MRC2: variants seen among roughly 807,000 people sequenced by gnomAD.
MRC2 encodes the protein C-type mannose receptor 2.
A neutral mutation model predicts 206.2 loss-of-function variants in MRC2; 84 were observed. That is an observed-to-expected ratio of 0.41 (90% CI 0.34 to 0.49). The LOEUF is 0.49. Among genes scored for constraint, MRC2 ranks in the 20% least tolerant of loss-of-function variants. The pLI is 0.31. For missense variants in MRC2, 1,676 were observed against 2,001.5 expected (o/e 0.84, Z 3.10); for synonymous variants, 798 against 800.0 (o/e 1.00, Z 0.04).
intron 1 of MRC2, among the ~76,000 whole-genome samples, chr17:62,636,931 T>C (rs1409603949): frequency 6.6e-6 from 1 of 151,272 alleles, no homozygotes; most frequent in African/African-American, 2.4e-5. Context: ...GAAAACTCTC[T>C]TCCCCCGGCC....
At position 62,681,956 on chromosome 17, in the gene MRC2, C is replaced by T. The variant is rs1292430400; in HGVS notation, c.2803+19C>T. On this transcript the variant is annotated intron_variant, in intron 19 of 29. Transcript: ENST00000303375. ...AGCCGAGGTGAGGGCAAGGTGGGGGCAGAGTGCGCAGTCAGCTGTGCAAAG... is the reference window on the plus strand; with the variant it reads ...AGCCGAGGTGAGGGCAAGGTGGGGGTAGAGTGCGCAGTCAGCTGTGCAAAG... 5 of 1,601,768 alleles carry T rather than the reference C, an allele frequency of 3.1e-6. No homozygotes were observed. Among genetic ancestry groups the T allele is most frequent in the Admixed American group, 1.7e-5 (1 of 59,342 alleles).
intron 9 of MRC2, among the ~76,000 whole-genome samples, chr17:62,674,710 G>C (rs897020329): frequency 6.6e-6 from 1 of 151,864 alleles, no homozygotes; most frequent in African/African-American, 2.4e-5. Context: ...GAGGGGGGGG[G>C]TGTCAAGGAA....
At chr17:62,665,601 T>G (rs761779512) in intron 2 of MRC2, among the ~76,000 whole-genome samples, 1 of 151,998 alleles carries the variant, frequency 6.6e-6, no homozygotes, top group African/African-American at 2.4e-5. Context: ...TAGCCCCCCA[T>G]GTTGTCTTAA....
chr17:62,673,456 G>A (rs1363911282), intron 8 of MRC2, among the ~76,000 whole-genome samples: 8 of 148,730 alleles, frequency 5.4e-5, no homozygotes, highest in Non-Finnish European at 8.9e-5. Flanking sequence ...TAGCCAGTTT[G>A]TTTTTGATAT....
chr17:62,667,106 C>G lies in MRC2; in HGVS notation c.973+236C>G, dbSNP rs1013323052. ...CAGCCTCCACTCACCTCTTCAGCCACCCCTGTGGGCAGCGGGCACCAGCGC... is the reference window on the plus strand; with the variant it reads ...CAGCCTCCACTCACCTCTTCAGCCAGCCCTGTGGGCAGCGGGCACCAGCGC... On this transcript the variant is annotated intron_variant, in intron 5 of 29. Coordinates refer to ENST00000303375, the MANE Select transcript of MRC2 (RefSeq NM_006039.5). The surrounding 1 kb of genome is among the most constrained non-coding windows in gnomAD (Gnocchi z 4.1). Among the ~76,000 whole-genome samples the G allele has an allele frequency of 3.9e-5, 6 of 152,124 alleles. No individual in the cohort carries two copies. The highest frequency in any genetic ancestry group is 3.9e-4 in the Admixed American group (6 of 15,280).
rs1344664844 is a variant in MRC2 at position 62,680,619 on chromosome 17, C to T, written c.2473+166C>T. 5 of 1,278,864 alleles carry T rather than the reference C, an allele frequency of 3.9e-6. No homozygotes were observed. The highest frequency in any genetic ancestry group is 5.3e-6 in the Non-Finnish European group (5 of 941,010). The allele number at this position is 1,278,864 out of a possible 1,614,324, so 79.2% of individuals were successfully genotyped here. On this transcript the variant is annotated intron_variant, in intron 16 of 29. Transcript: ENST00000303375. This position sits in a 1 kb window ranked among gnomAD's most constrained non-coding sequence, Gnocchi z 4.8. ...AGGCAGCCACAGCCCTGTTTGCTTC[C>T]GTGTGGGAGGCGAGGCAAGCCTGGG...
intron 1 of MRC2, among the ~76,000 whole-genome samples, chr17:62,637,017 C>T (rs555568774): frequency 9.9e-5 from 15 of 152,212 alleles, no homozygotes; most frequent in Non-Finnish European, 2.2e-4. Flanking sequence ...GCTGGCATTG[C>T]TGCCAGGTTA....
Position 62,671,866 on chromosome 17 carries a change from G to A in MRC2, c.1306+29G>A. Reference sequence around the variant, plus strand: ...AGGAGCTGCCCGCCCACGTGTCTGGGTGGAGGGCAGGGCCTCCCACTGCCC... The same window carrying A: ...AGGAGCTGCCCGCCCACGTGTCTGGATGGAGGGCAGGGCCTCCCACTGCCC... On this transcript the variant is annotated intron_variant, in intron 7 of 29. Coordinates refer to ENST00000303375, the MANE Select transcript of MRC2 (RefSeq NM_006039.5). This position sits in a 1 kb window ranked among gnomAD's most constrained non-coding sequence, Gnocchi z 4.5. 1 of 1,586,610 alleles carries A rather than the reference G, an allele frequency of 6.3e-7. No individual in the cohort carries two copies. The highest frequency in any genetic ancestry group is 1.2e-5 in the South Asian group (1 of 86,930).
At chr17:62,640,518 TTTTTG>T (rs755421144) in intron 1 of MRC2, among the ~76,000 whole-genome samples, 3 of 151,910 alleles carry the variant, frequency 2.0e-5, no homozygotes, top group East Asian at 1.9e-4. Flanking sequence ...CAGGTCCACT[TTTTTG>T]TTTTGTTTTG....
At chr17:62,644,565 TTCGTA>T (rs1223870813) in intron 1 of MRC2, among the ~76,000 whole-genome samples, 2 of 152,040 alleles carry the variant, frequency 1.3e-5, no homozygotes, top group Non-Finnish European at 2.9e-5. Flanking sequence ...AATAAACATG[TTCGTA>T]TCTTGGGCCA....
chr17:62,679,959 T>C, intron 14 of MRC2, 57 bp downstream of exon 14: 1 of 1,493,648 alleles, frequency 6.7e-7, no homozygotes, highest in Non-Finnish European at 9.1e-7. Flanking sequence ...GGGCGGGGCC[T>C]GTTTGGGGCG....
intron 1 of MRC2, among the ~76,000 whole-genome samples, chr17:62,645,517 A>ATT (rs1161486508): frequency 1.4e-5 from 1 of 69,506 alleles, no homozygotes; most frequent in East Asian, 3.2e-4. Flanking sequence ...ATATATATAT[A>ATT]TATATATATA....
intron 1 of MRC2, 86 bp downstream of exon 1, chr17:62,628,006 TC>T (rs552252930): frequency 3.4e-6 from 3 of 873,008 alleles, no homozygotes; most frequent in Non-Finnish European, 3.2e-6. Flanking sequence ...TCCCTCCTTT[TC>T]CCCCCTCTTT....
chr17:62,642,386 C>G (rs2088417670), intron 1 of MRC2, among the ~76,000 whole-genome samples: 1 of 152,164 alleles, frequency 6.6e-6, no homozygotes, highest in Non-Finnish European at 1.5e-5. Context: ...TCAATTTGTT[C>G]CCTTACGCTA....
chr17:62,653,440 C>T (rs1239752898), intron 1 of MRC2, among the ~76,000 whole-genome samples: 1 of 152,114 alleles, frequency 6.6e-6, no homozygotes, highest in Non-Finnish European at 1.5e-5. Context: ...TCGCCTTCCC[C>T]ACCACCGCCT....
At chr17:62,685,661 T>A (rs1047298893) in intron 20 of MRC2, among the ~76,000 whole-genome samples, 7 of 152,164 alleles carry the variant, frequency 4.6e-5, no homozygotes, top group African/African-American at 1.7e-4. Context: ...TGCCTCAGCC[T>A]CCTGAGTAGC....
intron 1 of MRC2, among the ~76,000 whole-genome samples, chr17:62,642,102 C>T (rs2088412521): frequency 6.6e-6 from 1 of 152,152 alleles, no homozygotes; most frequent in Non-Finnish European, 1.5e-5. Flanking sequence ...TAGGATTTCT[C>T]CATTTGTCCC....
In MRC2 at chr17:62,676,534, G is replaced by A. The variant is rs1381583397; in HGVS notation, c.1834+3G>A. The A allele has an allele frequency of 6.3e-7, 1 of 1,581,018 alleles. No homozygotes were observed. The highest frequency in any genetic ancestry group is 8.6e-7 in the Non-Finnish European group (1 of 1,163,678). ...CCACTGGAACCGGGACCAGCCCGGT[G>A]AGCCCCTTATTTGACTTGCCTTGGT... On this transcript the variant is annotated splice_donor_region_variant and intron_variant, in intron 11 of 29. Coordinates refer to ENST00000303375, the MANE Select transcript of MRC2 (RefSeq NM_006039.5).
At chr17:62,687,956 G>A (rs184573123) in intron 20 of MRC2, among the ~76,000 whole-genome samples, 19 of 152,258 alleles carry the variant, frequency 1.2e-4, no homozygotes, top group African/African-American at 3.9e-4. Flanking sequence ...GACAACATTC[G>A]GAAGGGTGTT....
Sources: allele counts gnomAD v4.1 joint callset (sites outside exome capture counted in the v4.1 genomes callset), GRCh38; gene constraint gnomAD v4.1.1; non-coding constraint Gnocchi (gnomAD v3.1); transcripts MANE v1.5; gene names NCBI Gene and HGNC (gene_info 2026-07-23, HGNC 2026-07-21).